Variants in INSYN2B observed in about 807,000 individuals in gnomAD.
The protein encoded by INSYN2B is inhibitory synaptic factor family member 2B, also known as protein INSYN2B.
In INSYN2B, 16 loss-of-function variants were observed where a neutral mutation model predicts 41.2. That is an observed-to-expected ratio of 0.39 (90% confidence interval 0.26 to 0.59). The LOEUF (loss-of-function observed/expected upper bound fraction) is 0.59. INSYN2B is among the 20% of genes least tolerant of loss of function. The probability of loss-of-function intolerance (pLI) is 0.57; values close to 1 mark genes in which losing one functional copy is unlikely to be tolerated. For missense variants in INSYN2B, 608 were observed against 646.4 expected (o/e 0.94, Z 0.64); for synonymous variants, 245 against 244.4 (o/e 1.00, Z -0.02).
chr5:169,956,342 A>G (rs1419079964), intron 1 of INSYN2B, among the ~76,000 whole-genome samples: 3 of 152,220 alleles, frequency 2.0e-5, no homozygotes, highest in African/African-American at 7.2e-5. Flanking sequence ...AGATTTAGCC[A>G]CAAGTGATAC....
rs1156747062 is a variant in INSYN2B at position 169,861,663 on chromosome 5, A to G, written c.*2610T>C. On this transcript the variant is annotated 3_prime_UTR_variant, in exon 4 of 4. Coordinates refer to ENST00000377365, the MANE Select transcript of INSYN2B (RefSeq NM_001129891.3). Reference sequence around the variant, plus strand: ...ATTTTACAAAGAAGCAGTGATTTTCACATGAATAAGTGAGTATGCAGTTTT... The same window carrying G: ...ATTTTACAAAGAAGCAGTGATTTTCGCATGAATAAGTGAGTATGCAGTTTT... 6.6e-6 allele frequency among the ~76,000 whole-genome samples: 1 copy of G among 152,252 alleles called. No individual in the cohort carries two copies. The highest frequency in any genetic ancestry group is 1.5e-5 in the Non-Finnish European group (1 of 68,042).
intron 1 of INSYN2B, among the ~76,000 whole-genome samples, chr5:169,913,657 C>T (rs1211375162): frequency 6.6e-6 from 1 of 152,184 alleles, no homozygotes; most frequent in Non-Finnish European, 1.5e-5. Context: ...ATGAGCAGAG[C>T]TATTTCACAC....
intron 1 of INSYN2B, among the ~76,000 whole-genome samples, chr5:169,930,054 GATCTCAGCTCACTGCA>G (rs1561832623): frequency 1.3e-5 from 2 of 152,118 alleles, no homozygotes; most frequent in Non-Finnish European, 2.9e-5. Context: ...GCAGTGGCAC[GATCTCAGCTCACTGCA>G]ATCTCTGCCT....
At chr5:169,918,000 T>G (rs2113641610) in intron 1 of INSYN2B, among the ~76,000 whole-genome samples, 1 of 152,338 alleles carries the variant, frequency 6.6e-6, no homozygotes, top group Middle Eastern at 3.4e-3. Context: ...CGTTACAGAA[T>G]TCTGCCTTTC....
At chr5:169,917,895 A>G (rs1774962080) in intron 1 of INSYN2B, among the ~76,000 whole-genome samples, 1 of 152,204 alleles carries the variant, frequency 6.6e-6, no homozygotes, top group Non-Finnish European at 1.5e-5. Context: ...CTGAAATGGG[A>G]CATTAAATAA....
intron 3 of INSYN2B, chr5:169,875,170 C>T: frequency 2.2e-6 from 1 of 454,718 alleles, no homozygotes; most frequent in South Asian, 1.6e-5. Context: ...TCTTTCAAGA[C>T]CCTGATTTTT....
At chr5:169,903,692 C>T (rs1476402124) in intron 1 of INSYN2B, among the ~76,000 whole-genome samples, 1 of 152,022 alleles carries the variant, frequency 6.6e-6, no homozygotes, top group East Asian at 1.9e-4. Context: ...GTCGAACTTA[C>T]TCGGGGCAGG....
chr5:169,943,006 T>G (rs1688458499), intron 1 of INSYN2B, among the ~76,000 whole-genome samples: 1 of 152,166 alleles, frequency 6.6e-6, no homozygotes, highest in African/African-American at 2.4e-5. Context: ...GTTGTTGATA[T>G]CAATAGCTAA....
At chr5:169,906,814 G>C (rs1774306462) in intron 1 of INSYN2B, among the ~76,000 whole-genome samples, 1 of 152,238 alleles carries the variant, frequency 6.6e-6, no homozygotes, top group Admixed American at 6.5e-5. Context: ...GCTCTGGAAA[G>C]TCTATAGGGA....
At chr5:169,972,230 A>G (rs1777530350) in intron 1 of INSYN2B, among the ~76,000 whole-genome samples, 1 of 152,150 alleles carries the variant, frequency 6.6e-6, no homozygotes, top group African/African-American at 2.4e-5. Context: ...ACCCTCATAG[A>G]TTGTTCCTGC....
chr5:169,951,323 T>G (rs543173921), intron 1 of INSYN2B, among the ~76,000 whole-genome samples: 2 of 152,358 alleles, frequency 1.3e-5, no homozygotes, highest in Admixed American at 1.3e-4. Context: ...TTCCTTCTGA[T>G]GCTGCATATG....
chr5:169,896,511 G>T (rs1773617952), intron 1 of INSYN2B, among the ~76,000 whole-genome samples: 1 of 152,158 alleles, frequency 6.6e-6, no homozygotes, highest in Non-Finnish European at 1.5e-5. Flanking sequence ...AGAAGATGTA[G>T]CTAATAATAT....
intron 1 of INSYN2B, among the ~76,000 whole-genome samples, chr5:169,937,888 C>T (rs1776066547): frequency 6.6e-6 from 1 of 152,214 alleles, no homozygotes; most frequent in South Asian, 2.1e-4. Flanking sequence ...TCCCTTTCTC[C>T]ATTCTGCCTT....
At chr5:169,928,577 AAG>A (rs1183730505) in intron 1 of INSYN2B, among the ~76,000 whole-genome samples, 3 of 152,198 alleles carry the variant, frequency 2.0e-5, no homozygotes, top group African/African-American at 7.2e-5. Flanking sequence ...GTCCATCCAA[AAG>A]AGAGGCCAAG....
chr5:169,878,884 C>T (rs995704500), intron 3 of INSYN2B, among the ~76,000 whole-genome samples: 11 of 152,132 alleles, frequency 7.2e-5, no homozygotes, highest in African/African-American at 1.2e-4. Flanking sequence ...CCTTTATGTA[C>T]GGAAATCCCT....
intron 1 of INSYN2B, among the ~76,000 whole-genome samples, chr5:169,971,478 A>C: frequency 6.6e-6 from 1 of 151,562 alleles, no homozygotes; most frequent in South Asian, 2.1e-4. Flanking sequence ...TGCTCTATCC[A>C]AAAGGGCTTT....
intron 1 of INSYN2B, among the ~76,000 whole-genome samples, chr5:169,890,893 C>G (rs900786889): frequency 6.6e-6 from 1 of 152,170 alleles, no homozygotes; most frequent in Non-Finnish European, 1.5e-5. Flanking sequence ...CATCTGTCCT[C>G]CACACAGCAG....
intron 1 of INSYN2B, among the ~76,000 whole-genome samples, chr5:169,908,382 C>T (rs261002): frequency 0.84 from 127,566 of 152,162 alleles, 53,879 homozygotes; most frequent in African/African-American, 0.94. Flanking sequence ...CATACTCATA[C>T]ATGCTCTAAG....
At chr5:169,945,406 A>G (rs996629781) in intron 1 of INSYN2B, among the ~76,000 whole-genome samples, 1 of 152,282 alleles carries the variant, frequency 6.6e-6, no homozygotes, top group Admixed American at 6.5e-5. Context: ...CTCAGAGTGA[A>G]AAATCAGTGA....
Sources: gnomAD v4.1 joint callset for allele counts (sites outside exome capture counted in the v4.1 genomes callset) on GRCh38, gnomAD v4.1.1 for gene constraint, MANE v1.5 for transcripts, NCBI Gene and HGNC (gene_info 2026-07-23, HGNC 2026-07-21) for gene names.